Variants in CADPS observed in about 807,000 individuals in gnomAD.
CADPS encodes calcium-dependent secretion activator 1.
A neutral mutation model predicts 167.3 loss-of-function variants in CADPS; 57 were observed. The observed-to-expected ratio is 0.34, with a 90% CI of 0.28 to 0.42. CADPS has a LOEUF of 0.42. Among genes scored for constraint, CADPS ranks in the 20% least tolerant of loss-of-function variants. The pLI, the probability that CADPS is intolerant of heterozygous loss-of-function variation, is 1.00. For missense variants in CADPS, 1,414 were observed against 1,738.1 expected (o/e 0.81, Z 3.32); for synonymous variants, 676 against 635.3 (o/e 1.06, Z -0.96).
At chr3:62,730,464 C>G (rs2077554790) in intron 3 of CADPS, among the ~76,000 whole-genome samples, 1 of 152,158 alleles carries the variant, frequency 6.6e-6, no homozygotes, top group Admixed American at 6.5e-5. Flanking sequence ...CCCTCATACT[C>G]CTCACCCTAT....
intron 26 of CADPS, among the ~76,000 whole-genome samples, chr3:62,462,614 A>G (rs991498019): frequency 2.0e-5 from 3 of 152,214 alleles, no homozygotes; most frequent in African/African-American, 2.4e-5. Context: ...AGTAATACTT[A>G]AGGAATTGAA....
At chr3:62,516,674 A>G in intron 14 of CADPS, 31 bp from the exon 15 acceptor site, 1 of 1,511,904 alleles carries the variant, frequency 6.6e-7, no homozygotes, top group Non-Finnish European at 9.1e-7. Flanking sequence ...CAGGTTGCCT[A>G]AATTATTACA....
In CADPS at chr3:62,648,640, T is replaced by G. The variant is rs2069159867; in HGVS notation, c.1203+2207A>C. On this transcript the variant is annotated intron_variant, in intron 5 of 29. Coordinates refer to ENST00000383710, the MANE Select transcript of CADPS (RefSeq NM_003716.4). ...AGTTGAGGCTGCAGTTAGCCAAGAC[T>G]GCACCTGCACCACTGCACTCTAGCC... Among the ~76,000 whole-genome samples, 4 of 127,320 alleles carry G rather than the reference T, an allele frequency of 3.1e-5. No homozygotes were observed. The South Asian group carries it at 1.0e-3, about 32-fold the overall frequency. The allele number at this position is 127,320 out of a possible 152,430, so 83.5% of individuals were successfully genotyped here.
At chr3:62,536,237 T>G in intron 12 of CADPS, 1 of 444,358 alleles carries the variant, frequency 2.3e-6, no homozygotes, top group Non-Finnish European at 4.0e-6. Flanking sequence ...GCTGGGGAAT[T>G]GGATCTGTTT....
intron 7 of CADPS, 22 bp downstream of exon 7, chr3:62,592,615 C>G: frequency 6.3e-7 from 1 of 1,575,848 alleles, no homozygotes; most frequent in Non-Finnish European, 8.7e-7. Context: ...GTGGAGTTCC[C>G]CTTGTGATAA....
intron 1 of CADPS, among the ~76,000 whole-genome samples, chr3:62,832,932 G>C (rs903316155): frequency 6.6e-6 from 1 of 152,136 alleles, no homozygotes; most frequent in African/African-American, 2.4e-5. Context: ...CACTCCTTTA[G>C]AAAACAACAA....
intron 1 of CADPS, among the ~76,000 whole-genome samples, chr3:62,817,085 A>C (rs939544974): frequency 4.1e-4 from 63 of 152,154 alleles, no homozygotes; most frequent in African/African-American, 1.4e-3. Flanking sequence ...GGAGTCTCTA[A>C]GGATTTGAAC....
chr3:62,430,801 G>A (rs574651018), intron 28 of CADPS, among the ~76,000 whole-genome samples: 2 of 151,918 alleles, frequency 1.3e-5, no homozygotes, highest in South Asian at 4.2e-4. Context: ...CCTCCAACTT[G>A]TCTCCAGTTT....
intron 28 of CADPS, among the ~76,000 whole-genome samples, chr3:62,415,486 C>G (rs892787106): frequency 1.3e-5 from 2 of 152,042 alleles, no homozygotes. Context: ...CCCCACCCCC[C>G]CAACTCCTTA....
intron 2 of CADPS, among the ~76,000 whole-genome samples, chr3:62,757,576 G>A (rs2084289864): frequency 6.6e-6 from 1 of 152,150 alleles, no homozygotes; most frequent in Non-Finnish European, 1.5e-5. Context: ...CCAGCACACG[G>A]TATATTGGTC....
intron 26 of CADPS, among the ~76,000 whole-genome samples, chr3:62,447,574 T>C (rs774620295): frequency 8.5e-5 from 13 of 152,152 alleles, no homozygotes; most frequent in Non-Finnish European, 1.8e-4. Flanking sequence ...GGAAAATTTA[T>C]AGAGGGAAGC....
chr3:62,544,668 A>G lies in CADPS; in HGVS notation c.1966+5235T>C, dbSNP rs1343539923. 6.6e-6 allele frequency among the ~76,000 whole-genome samples: 1 copy of G among 152,174 alleles called. No individual in the cohort carries two copies. The highest frequency in any genetic ancestry group is 1.5e-5 in the Non-Finnish European group (1 of 68,018). ...GAGGAGGCAATTATGCACACATCAC[A>G]TGCATCCTAGTTTCAGTATGGAAGC... On this transcript the variant is annotated intron_variant, in intron 11 of 29. Coordinates refer to ENST00000383710, the MANE Select transcript of CADPS (RefSeq NM_003716.4). The surrounding 1 kb of genome is among the most constrained non-coding windows in gnomAD (Gnocchi z 4.4).
At chr3:62,708,181 C>A (rs904990551) in intron 3 of CADPS, among the ~76,000 whole-genome samples, 1 of 151,828 alleles carries the variant, frequency 6.6e-6, no homozygotes. Flanking sequence ...GCCTCAGCCT[C>A]TCAAAGTGCT....
At chr3:62,698,757 T>TTTTTTC (rs1554088701) in intron 3 of CADPS, among the ~76,000 whole-genome samples, 7 of 79,330 alleles carry the variant, frequency 8.8e-5, no homozygotes, top group Admixed American at 6.4e-4. Flanking sequence ...TTTTTTTTTT[T>TTTTTTC]CAGACAGGGT....
At chr3:62,494,614 A>T (rs1181702166) in intron 18 of CADPS, among the ~76,000 whole-genome samples, 1 of 151,874 alleles carries the variant, frequency 6.6e-6, no homozygotes, top group Non-Finnish European at 1.5e-5. Context: ...ACCAAGCTCA[A>T]ATGTTTGCAA....
chr3:62,823,506 TA>T (rs2073408755), intron 1 of CADPS, among the ~76,000 whole-genome samples: 1 of 152,112 alleles, frequency 6.6e-6, no homozygotes, highest in Non-Finnish European at 1.5e-5. Flanking sequence ...ATATTCTTTT[TA>T]AAAAAATATA....
At chr3:62,787,033 T>C (rs1000877453) in intron 1 of CADPS, among the ~76,000 whole-genome samples, 5 of 152,016 alleles carry the variant, frequency 3.3e-5, no homozygotes, top group Admixed American at 6.6e-5. Flanking sequence ...GTGGCTCATG[T>C]CTGTAATCTC....
intron 3 of CADPS, among the ~76,000 whole-genome samples, chr3:62,716,301 A>T (rs776669371): frequency 6.6e-6 from 1 of 151,930 alleles, no homozygotes; most frequent in Non-Finnish European, 1.5e-5. Flanking sequence ...TGATCCGTCC[A>T]TCTCGGCCTC....
chr3:62,671,938 T>C (rs2075589463), intron 3 of CADPS, among the ~76,000 whole-genome samples: 1 of 151,990 alleles, frequency 6.6e-6, no homozygotes, highest in Admixed American at 6.6e-5. Context: ...AATTTTTTAA[T>C]TTATTTTAAT....
Sources: gnomAD v4.1 joint callset for allele counts (sites outside exome capture counted in the v4.1 genomes callset) on GRCh38, gnomAD v4.1.1 for gene constraint, Gnocchi (gnomAD v3.1) non-coding constraint, MANE v1.5 for transcripts, NCBI Gene and HGNC (gene_info 2026-07-23, HGNC 2026-07-21) for gene names.